The following ICA1 variants were observed in gnomAD, a reference collection of about 807,000 sequenced individuals.
ICA1 encodes 69 kDa islet cell autoantigen.
In ICA1, 40 loss-of-function variants were observed where a neutral mutation model predicts 71.0. The ratio of observed to expected loss-of-function variants is 0.56; its 90% CI spans 0.44 to 0.73. The LOEUF (loss-of-function observed/expected upper bound fraction) is 0.73, where lower values mean the gene tolerates loss of function less well. ICA1 is among the 30% of genes least tolerant of loss of function. ICA1 has a pLI of 0.00. For missense variants in ICA1, 578 were observed against 576.5 expected (o/e 1.00, Z -0.03); for synonymous variants, 207 against 209.5 (o/e 0.99, Z 0.10).
intron 6 of ICA1, among the ~76,000 whole-genome samples, chr7:8,203,993 G>C (rs535369113): frequency 6.6e-6 from 1 of 152,014 alleles, no homozygotes; most frequent in African/African-American, 2.4e-5. Context: ...CCCAGAATAA[G>C]GTAGAACAGA....
chr7:8,210,430 A>G (rs1304315121), intron 6 of ICA1, among the ~76,000 whole-genome samples: 1 of 152,262 alleles, frequency 6.6e-6, no homozygotes, highest in Non-Finnish European at 1.5e-5. Flanking sequence ...TAAACACATC[A>G]TGAATATGTA....
intron 13 of ICA1, among the ~76,000 whole-genome samples, chr7:8,122,127 A>C (rs113643865): frequency 0.013 from 1,924 of 152,260 alleles, 38 homozygotes; most frequent in African/African-American, 0.044. Context: ...GGCATGCTCT[A>C]AGGAGAAGGG....
intron 8 of ICA1, among the ~76,000 whole-genome samples, chr7:8,148,801 T>C (rs1457826147): frequency 6.6e-6 from 1 of 152,074 alleles, no homozygotes; most frequent in Admixed American, 6.5e-5. Flanking sequence ...TTACAAAAGA[T>C]GGTATACATT....
At position 8,114,011 on chromosome 7, in the gene ICA1, C is replaced by A; in HGVS notation, c.1364G>T (p.Trp455Leu). 1 of 1,614,158 alleles carries A rather than the reference C, an allele frequency of 6.2e-7. No homozygotes were observed. Among genetic ancestry groups the A allele is most frequent in the Non-Finnish European group, 8.5e-7 (1 of 1,180,012 alleles). Residue 455 changes from tryptophan (W) to leucine (L), a missense_variant, in exon 14 of 14, where the codon TGG (tryptophan) becomes TTG (leucine). Trp to Leu is a moderately conservative substitution (Grantham distance 61). Coordinates refer to ENST00000402384, the MANE Select transcript of ICA1 (RefSeq NM_001136020.3). ...GTCGAGGTCAGCGAAGAGGCTGAAC[C>A]AGGCAGTCAGGTCTGAGGCAGCCTT... ...PAKAASDLTA[W>L]FSLFADLDPL...
chr7:8,125,957 G>A (rs1789008663), intron 13 of ICA1, among the ~76,000 whole-genome samples: 1 of 152,220 alleles, frequency 6.6e-6, no homozygotes, highest in Non-Finnish European at 1.5e-5. Context: ...AGGCTGAAGT[G>A]CAATTCCCCA....
Position 8,113,861 on chromosome 7 carries a change from C to G in ICA1, c.*62G>C. The G allele has an allele frequency of 6.3e-7, 1 of 1,585,670 alleles. No homozygotes were observed. The highest frequency in any genetic ancestry group is 1.1e-5 in the South Asian group (1 of 90,198). ...ACAGCATACTGATCACTTTATACTT[C>G]TGCTAGCCCCCAGGGGAGCTGCTGG... On this transcript the variant is annotated 3_prime_UTR_variant, in exon 14 of 14. Coordinates refer to ENST00000402384, the MANE Select transcript of ICA1 (RefSeq NM_001136020.3). The surrounding 1 kb of genome is among the most constrained non-coding windows in gnomAD (Gnocchi z 4.2).
At chr7:8,236,686 G>C (rs930551074) in intron 1 of ICA1, 1 of 152,228 alleles carries the variant, frequency 6.6e-6, no homozygotes, top group Non-Finnish European at 1.5e-5. Flanking sequence ...TACCAGCCTA[G>C]CCTTGTATAT....
At chr7:8,114,692 A>G (rs1784228439) in intron 13 of ICA1, among the ~76,000 whole-genome samples, 1 of 152,222 alleles carries the variant, frequency 6.6e-6, no homozygotes, top group Non-Finnish European at 1.5e-5. Context: ...CACCTGCCCT[A>G]ACTTCCTGAA....
chr7:8,254,796 A>G (rs1809486882), intron 1 of ICA1, among the ~76,000 whole-genome samples: 1 of 152,116 alleles, frequency 6.6e-6, no homozygotes, highest in Admixed American at 6.6e-5. Context: ...CAATGTTTAC[A>G]TACTTCACAA....
intron 6 of ICA1, among the ~76,000 whole-genome samples, chr7:8,190,146 A>C (rs1350258772): frequency 6.6e-6 from 1 of 152,186 alleles, no homozygotes; most frequent in Non-Finnish European, 1.5e-5. Flanking sequence ...TATTATTAAT[A>C]ATGATAATAA....
chr7:8,225,520 G>A (rs1437230445), intron 4 of ICA1, among the ~76,000 whole-genome samples: 2 of 152,076 alleles, frequency 1.3e-5, no homozygotes, highest in Non-Finnish European at 2.9e-5. Flanking sequence ...CTTCTCCAAG[G>A]AGCATTTCTT....
At chr7:8,172,347 G>C (rs1808683844) in intron 6 of ICA1, among the ~76,000 whole-genome samples, 1 of 151,948 alleles carries the variant, frequency 6.6e-6, no homozygotes, top group Non-Finnish European at 1.5e-5. Flanking sequence ...TCTGGTAATA[G>C]TCCTTGTGCT....
intron 12 of ICA1, among the ~76,000 whole-genome samples, chr7:8,137,159 G>C (rs1793717994): frequency 6.6e-6 from 1 of 151,878 alleles, no homozygotes; most frequent in Non-Finnish European, 1.5e-5. Flanking sequence ...AGAATAGGGA[G>C]GGGGTTAAGG....
At chr7:8,257,434 T>A (rs1810595373) in intron 1 of ICA1, among the ~76,000 whole-genome samples, 1 of 152,202 alleles carries the variant, frequency 6.6e-6, no homozygotes, top group Non-Finnish European at 1.5e-5. Context: ...ATATGTATAC[T>A]CTTGGAACAT....
At chr7:8,139,374 C>A (rs1160340588) in intron 10 of ICA1, among the ~76,000 whole-genome samples, 3 of 152,134 alleles carry the variant, frequency 2.0e-5, no homozygotes, top group African/African-American at 7.2e-5. Flanking sequence ...CCATATGGGC[C>A]TGGCTAAAAT....
At chr7:8,260,866 C>T (rs923753524) in intron 1 of ICA1, among the ~76,000 whole-genome samples, 1 of 152,196 alleles carries the variant, frequency 6.6e-6, no homozygotes, top group Non-Finnish European at 1.5e-5. Context: ...ATTTCACTCC[C>T]TAACCACAGA....
rs1452431884 is a variant in ICA1 at position 8,228,791 on chromosome 7, T to C, written c.184-118A>G. On this transcript the variant is annotated intron_variant, in intron 3 of 13. Coordinates refer to ENST00000402384, the MANE Select transcript of ICA1 (RefSeq NM_001136020.3). ...CCAAAAACAAGACCACATGTCTAAG[T>C]ATGCTTAGTGTTATGCGGTGTACTA... 4 of 611,568 alleles carry C rather than the reference T, an allele frequency of 6.5e-6. No individual in the cohort carries two copies. The East Asian group carries it at 1.1e-4, about 17-fold the overall frequency. 37.9% of individuals were successfully genotyped at this position (611,568 alleles called of 1,614,324 possible). A position where few individuals can be genotyped will look rare whatever the true frequency, so the allele number is the denominator to read the frequency against.
intron 1 of ICA1, among the ~76,000 whole-genome samples, chr7:8,239,747 C>T (rs1294282238): frequency 6.6e-6 from 1 of 152,246 alleles, no homozygotes; most frequent in Non-Finnish European, 1.5e-5. Flanking sequence ...GAGTTTATAT[C>T]CCACGCCTGG....
At chr7:8,128,171 C>T (rs1218277564) in intron 12 of ICA1, 29 bp from the exon 13 acceptor site, 2 of 1,605,268 alleles carry the variant, frequency 1.2e-6, no homozygotes, top group Admixed American at 3.4e-5. Flanking sequence ...AACAAAACGT[C>T]ACCACGGAGG....
Sources: gnomAD v4.1 joint callset for allele counts (sites outside exome capture counted in the v4.1 genomes callset) on GRCh38, gnomAD v4.1.1 for gene constraint, Gnocchi (gnomAD v3.1) non-coding constraint, MANE v1.5 for transcripts, NCBI Gene and HGNC (gene_info 2026-07-23, HGNC 2026-07-21) for gene names.